TUT4: variants seen among roughly 807,000 people sequenced by gnomAD.
TUT4 encodes terminal uridylyltransferase 4.
A neutral mutation model predicts 192.2 loss-of-function variants in TUT4; 36 were observed. The observed-to-expected ratio is 0.19, with a 90% CI of 0.14 to 0.25. The LOEUF is 0.25. TUT4 is among the 10% of genes least tolerant of loss of function. The pLI is 1.00. For missense variants in TUT4, 1,493 were observed against 1,957.2 expected (o/e 0.76, Z 4.47); for synonymous variants, 618 against 666.0 (o/e 0.93, Z 1.11).
chr1:52,495,262 T>C (rs746087726), intron 6 of TUT4, among the ~76,000 whole-genome samples, 165 bp downstream of exon 6: 1 of 151,542 alleles, frequency 6.6e-6, no homozygotes, highest in African/African-American at 2.4e-5. Flanking sequence ...TTATCCTGCC[T>C]TTGTCTGAAA....
intron 2 of TUT4, among the ~76,000 whole-genome samples, chr1:52,523,971 T>C (rs953737364): frequency 1.4e-4 from 21 of 152,130 alleles, no homozygotes; most frequent in Non-Finnish European, 2.2e-4. Flanking sequence ...TTTCCAGCCA[T>C]GAAAACACTA....
rs139141979 is a variant in TUT4 at position 52,505,392 on chromosome 1, C to T, written c.999+4204G>A. ...GATGTCTTTATCATGTTATAGAAGT[C>T]GTCTTCTACTCCTAGTTTGCTTAGA... On this transcript the variant is annotated intron_variant, in intron 4 of 29. Transcript: ENST00000257177. Among the ~76,000 whole-genome samples, 1,258 of 147,014 alleles carry T rather than the reference C, an allele frequency of 8.6e-3. 5 individuals carry two copies. Among genetic ancestry groups the T allele is most frequent in the Non-Finnish European group, 0.014 (917 of 66,964 alleles).
chr1:52,442,185 C>CAAAAAA (rs1655840823), intron 24 of TUT4, among the ~76,000 whole-genome samples: 1 of 103,806 alleles, frequency 9.6e-6, no homozygotes, highest in Admixed American at 8.2e-5. Flanking sequence ...AAAAAAAAAG[C>CAAAAAA]CAAAGTGTAT....
At position 52,525,641 on chromosome 1, in the gene TUT4, T is replaced by C; in HGVS notation, c.640A>G (p.Lys214Glu). Residue 214 changes from lysine to glutamate, a missense_variant, in exon 2 of 30, where the codon AAG becomes GAG. Physicochemically the swap from Lys to Glu is moderately conservative, Grantham distance 56 (BLOSUM62 1). This residue lies in a region of TUT4 where 260 missense variants were observed against 247.8 expected (regional missense o/e 1.05). Transcript: ENST00000257177. ...GTATTATCTGTACATGTCTGTTGCT[T>C]CTGAGATCGTGGTGAGTTTTGCAGA... ...CALQNSPRSQ[K>E]QQTCTDNTGD... 6.2e-7 allele frequency: 1 copy of C among 1,614,202 alleles called. No individual in the cohort carries two copies. The highest frequency in any genetic ancestry group is 2.2e-5 in the East Asian group (1 of 44,878).
rs574681181 is a variant in TUT4, at chr1:52,541,704, C to T, written c.-94+11227G>A. Among the ~76,000 whole-genome samples the T allele has an allele frequency of 1.6e-4, 25 of 151,910 alleles. No homozygotes were observed. In the South Asian group the frequency reaches 2.1e-3, roughly 13 times the overall value. ...GATTTTTTAGGTATGACACTTAAAG[C>T]AAAGAAAACTAAAGAAAAGAGATAA... On this transcript the variant is annotated intron_variant, in intron 1 of 29. Transcript: ENST00000257177.
At chr1:52,447,877 T>G (rs1431080405) in intron 20 of TUT4, among the ~76,000 whole-genome samples, 1 of 152,232 alleles carries the variant, frequency 6.6e-6, no homozygotes, top group Non-Finnish European at 1.5e-5. Flanking sequence ...CCACCTTCTC[T>G]TTACCCTCTA....
chr1:52,550,892 T>C (rs1171109937), intron 1 of TUT4, among the ~76,000 whole-genome samples: 1 of 152,208 alleles, frequency 6.6e-6, no homozygotes, highest in Non-Finnish European at 1.5e-5. Context: ...AGATCCTGAT[T>C]TGACATTCTG....
intron 20 of TUT4, among the ~76,000 whole-genome samples, chr1:52,455,318 T>C (rs898855317): frequency 2.0e-5 from 3 of 151,814 alleles, no homozygotes; most frequent in African/African-American, 2.4e-5. Flanking sequence ...AACAAAATAT[T>C]AGATTGAAGC....
At chr1:52,455,241 G>A (rs567269893) in intron 20 of TUT4, among the ~76,000 whole-genome samples, 4 of 152,222 alleles carry the variant, frequency 2.6e-5, no homozygotes, top group Admixed American at 2.0e-4. Context: ...TGGAGATTGT[G>A]CCACTGTAAT....
At chr1:52,501,409 C>T (rs1212478777) in intron 4 of TUT4, among the ~76,000 whole-genome samples, 1 of 147,586 alleles carries the variant, frequency 6.8e-6, no homozygotes, top group Non-Finnish European at 1.5e-5. Flanking sequence ...TGAAATACCA[C>T]TTCATATCCA....
intron 2 of TUT4, among the ~76,000 whole-genome samples, chr1:52,521,022 G>C (rs1680111921): frequency 1.3e-5 from 2 of 152,052 alleles, no homozygotes; most frequent in African/African-American, 4.8e-5. Context: ...TTGAACTCCT[G>C]ACCTCAGGTG....
At chr1:52,446,820 A>C (rs1657650200) in intron 20 of TUT4, among the ~76,000 whole-genome samples, 153 bp from the exon 21 acceptor site, 1 of 152,256 alleles carries the variant, frequency 6.6e-6, no homozygotes. Context: ...TTTGATGCCA[A>C]GAAGTTAATG....
rs193181807 is a variant in TUT4, at chr1:52,518,745, A to G, written c.719-2691T>C. 2.3e-3 allele frequency among the ~76,000 whole-genome samples: 350 copies of G among 152,330 alleles called. 1 individual carries two copies. Among genetic ancestry groups the G allele is most frequent in the South Asian group, 2.9e-3 (14 of 4,826 alleles). On this transcript the variant is annotated intron_variant, in intron 2 of 29. Coordinates refer to ENST00000257177, the MANE Select transcript of TUT4 (RefSeq NM_001009881.3). ...TATTGTATGATTTCATTTCTATGAA[A>G]TATTTAGAATAGGCAAATACATAGA...
Position 52,513,393 on chromosome 1 carries a change from C to CAAAAAAAAAAAAAAAAAA in TUT4, c.882+2480_882+2497dup, listed in dbSNP as rs554170439. Reference sequence around the variant, plus strand: ...GGGCAACCAGAATGAGACCCTGTCTCAAAAAAAAAAAAAAAAAAAAAGTAC... The same window carrying CAAAAAAAAAAAAAAAAAA: ...GGGCAACCAGAATGAGACCCTGTCTCAAAAAAAAAAAAAAAAAAAAAAAAAAAAAAAAAAAAAAAGTAC... On this transcript the variant is annotated intron_variant, in intron 3 of 29. Coordinates refer to ENST00000257177, the MANE Select transcript of TUT4 (RefSeq NM_001009881.3). Among the ~76,000 whole-genome samples the CAAAAAAAAAAAAAAAAAA allele has an allele frequency of 3.1e-4, 13 of 42,098 alleles. 1 individual carries two copies. Among genetic ancestry groups the CAAAAAAAAAAAAAAAAAA allele is most frequent in the African/African-American group, 1.9e-3 (11 of 5,758 alleles). The allele number at this position is 42,098 out of a possible 152,430, so 27.6% of individuals were successfully genotyped here.
At chr1:52,489,064 T>C (rs1257772075) in intron 8 of TUT4, 29 bp from the exon 9 acceptor site, 1 of 1,602,328 alleles carries the variant, frequency 6.2e-7, no homozygotes. Flanking sequence ...CAAATTTCAT[T>C]GTATTAATAC....
chr1:52,520,480 A>G (rs911712440), intron 2 of TUT4, among the ~76,000 whole-genome samples: 1 of 152,216 alleles, frequency 6.6e-6, no homozygotes, highest in Non-Finnish European at 1.5e-5. Flanking sequence ...TAGAAATCCA[A>G]TTTATCAGGC....
At chr1:52,455,910 C>T (rs1263542006) in intron 20 of TUT4, among the ~76,000 whole-genome samples, 1 of 152,110 alleles carries the variant, frequency 6.6e-6, no homozygotes, top group Non-Finnish European at 1.5e-5. Flanking sequence ...TAAACATACT[C>T]GTACATATGA....
chr1:52,509,485 A>C, intron 4 of TUT4, 111 bp downstream of exon 4: 1 of 691,496 alleles, frequency 1.4e-6, no homozygotes, highest in South Asian at 2.0e-5. Flanking sequence ...CACTTCAGTT[A>C]CCAATATAAG....
At chr1:52,533,985 G>A (rs1431200499) in intron 1 of TUT4, among the ~76,000 whole-genome samples, 2 of 152,098 alleles carry the variant, frequency 1.3e-5, no homozygotes, top group African/African-American at 4.8e-5. Flanking sequence ...AAGAAAACAT[G>A]AAAGATATTG....
Sources: gnomAD v4.1 joint callset for allele counts (sites outside exome capture counted in the v4.1 genomes callset) on GRCh38, gnomAD v4.1.1 for gene constraint, gnomAD v4.1.1 regional missense constraint, MANE v1.5 for transcripts, NCBI Gene and HGNC (gene_info 2026-07-23, HGNC 2026-07-21) for gene names.